Variants in ATP13A5 observed in about 807,000 individuals in gnomAD.
ATP13A5 encodes the protein ATPase 13A5, also known as probable cation-transporting ATPase 13A5.
Under a neutral mutation model 150.2 loss-of-function variants are expected in ATP13A5, and 149 were observed. That is an observed-to-expected ratio of 0.99 (90% CI 0.87 to 1.14). The LOEUF is 1.14. Ranked by LOEUF, ATP13A5 falls within the 50% of genes most tolerant of loss-of-function variation. The pLI is 0.00. For missense variants in ATP13A5, 1,383 were observed against 1,449.3 expected, an observed-to-expected ratio of 0.95 and a Z score of 0.74; for synonymous variants, 497 against 522.2, an observed-to-expected ratio of 0.95 and a Z score of 0.66.
At chr3:193,338,504 T>A (rs1711983454) in intron 9 of ATP13A5, among the ~76,000 whole-genome samples, 1 of 152,236 alleles carries the variant, frequency 6.6e-6, no homozygotes, top group Non-Finnish European at 1.5e-5. Context: ...GTGGGTTTTG[T>A]CTTTGGTTCT....
chr3:193,304,063 C>G (rs1016732184), intron 23 of ATP13A5, among the ~76,000 whole-genome samples: 6 of 152,068 alleles, frequency 3.9e-5, no homozygotes, highest in Non-Finnish European at 8.8e-5. Flanking sequence ...GTACTATCAT[C>G]ATGTAGTCAC....
chr3:193,305,614 C>G lies in ATP13A5; in HGVS notation c.2623G>C (p.Ala875Pro). 6.2e-7 allele frequency: 1 copy of G among 1,613,954 alleles called. No homozygotes were observed. The highest frequency in any genetic ancestry group is 8.5e-7 in the Non-Finnish European group (1 of 1,179,884). ...GTTGTTTTAGAGGTAAAAGGGGATG[C>G]CACAGATGCTTCCTGCTCTGATAAT... ...ISLSEQEASV[A>P]SPFTSKTTNI... is the part of the protein sequence containing the mutation. Residue 875 changes from alanine to proline, a missense_variant, in exon 23 of 30, where the codon GCA (alanine) becomes CCA (proline). Physicochemically the swap from Ala to Pro is conservative, Grantham distance 27. Coordinates refer to ENST00000342358, the MANE Select transcript of ATP13A5 (RefSeq NM_198505.4).
chr3:193,358,539 C>G (rs527239336), intron 5 of ATP13A5, among the ~76,000 whole-genome samples: 1 of 152,178 alleles, frequency 6.6e-6, no homozygotes, highest in Non-Finnish European at 1.5e-5. Context: ...CAGCTTGAAC[C>G]TGCTTGTGTA....
chr3:193,280,361 C>CTGGTAAAAAACTGGTAT (rs1717431915), intron 27 of ATP13A5, among the ~76,000 whole-genome samples: 1 of 152,068 alleles, frequency 6.6e-6, no homozygotes, highest in South Asian at 2.1e-4. Flanking sequence ...TCCAATTTTT[C>CTGGTAAAAAACTGGTAT]TTAAACCAGT....
chr3:193,338,303 C>A (rs1281463296), intron 9 of ATP13A5, among the ~76,000 whole-genome samples: 1 of 152,166 alleles, frequency 6.6e-6, no homozygotes, highest in African/African-American at 2.4e-5. Flanking sequence ...GCATCCCTGT[C>A]TTGTGCCAGT....
chr3:193,277,145 A>G (rs1389329776), intron 28 of ATP13A5, among the ~76,000 whole-genome samples: 2 of 152,320 alleles, frequency 1.3e-5, no homozygotes, highest in Middle Eastern at 3.4e-3. Flanking sequence ...CTCCATTTTT[A>G]TCTTTTCAAA....
At chr3:193,328,938 C>G (rs1051800235) in intron 12 of ATP13A5, among the ~76,000 whole-genome samples, 1 of 152,144 alleles carries the variant, frequency 6.6e-6, no homozygotes, top group Non-Finnish European at 1.5e-5. Context: ...GTTGAATCTG[C>G]TTTTCTTAAA....
At chr3:193,350,040 A>G (rs895311265) in intron 7 of ATP13A5, among the ~76,000 whole-genome samples, 1 of 152,112 alleles carries the variant, frequency 6.6e-6, no homozygotes, top group South Asian at 2.1e-4. Flanking sequence ...AAATTATGAT[A>G]TATCATGGAA....
intron 27 of ATP13A5, 105 bp from the exon 28 acceptor site, chr3:193,279,559 T>A: frequency 1.2e-6 from 1 of 807,026 alleles, no homozygotes; most frequent in Non-Finnish European, 2.1e-6. Context: ...ACCAGATATA[T>A]CTTCAGATGT....
At chr3:193,330,984 G>A (rs1711606212) in intron 12 of ATP13A5, 139 bp downstream of exon 12, 2 of 793,452 alleles carry the variant, frequency 2.5e-6, no homozygotes, top group Non-Finnish European at 4.0e-6. Context: ...TCTTGCACTA[G>A]CTCACTCTGT....
At position 193,275,017 on chromosome 3, in the gene ATP13A5, T is replaced by C. The variant is rs1358445558; in HGVS notation, c.*25A>G. 1 of 1,612,704 alleles carries C rather than the reference T, an allele frequency of 6.2e-7. No individual in the cohort carries two copies. The highest frequency in any genetic ancestry group is 1.1e-5 in the South Asian group (1 of 90,918). On this transcript the variant is annotated 3_prime_UTR_variant, in exon 30 of 30. Transcript: ENST00000342358. ...ATTTTGGGGAAAAAAGCAATGCTGT[T>C]GAGCATGTACGACGACAATTCTGAT...
At chr3:193,339,263 T>G (rs568067312) in intron 9 of ATP13A5, among the ~76,000 whole-genome samples, 2 of 152,304 alleles carry the variant, frequency 1.3e-5, no homozygotes, top group South Asian at 2.1e-4. Context: ...TAGTTATTTC[T>G]TGCCTTCTGC....
intron 28 of ATP13A5, 54 bp from the exon 29 acceptor site, chr3:193,276,884 AAGAC>A (rs112961912): frequency 9.7e-6 from 12 of 1,238,620 alleles, no homozygotes; most frequent in African/African-American, 9.1e-5. Context: ...ACTTTGAAAA[AAGAC>A]CATATTAATT....
chr3:193,288,211 A>G (rs1261534590), intron 26 of ATP13A5, among the ~76,000 whole-genome samples: 1 of 152,178 alleles, frequency 6.6e-6, no homozygotes, highest in East Asian at 1.9e-4. Context: ...AATATTATAT[A>G]AACTTACTTG....
At chr3:193,292,423 G>A (rs988348189) in intron 25 of ATP13A5, among the ~76,000 whole-genome samples, 4 of 152,142 alleles carry the variant, frequency 2.6e-5, no homozygotes, top group Non-Finnish European at 4.4e-5. Flanking sequence ...AACTGTGGTA[G>A]ACTGAATTGC....
At chr3:193,292,633 T>A (rs1718012449) in intron 25 of ATP13A5, among the ~76,000 whole-genome samples, 1 of 152,150 alleles carries the variant, frequency 6.6e-6, no homozygotes, top group Admixed American at 6.5e-5. Context: ...ATGAAAAATG[T>A]GGAGTAGACC....
At chr3:193,352,461 T>C (rs1372552007) in intron 6 of ATP13A5, among the ~76,000 whole-genome samples, 1 of 150,496 alleles carries the variant, frequency 6.6e-6, no homozygotes, top group African/African-American at 2.5e-5. Flanking sequence ...AATATTCTTT[T>C]GAAACCAAAT....
intron 1 of ATP13A5, among the ~76,000 whole-genome samples, chr3:193,366,169 A>G (rs1389610326): frequency 2.0e-5 from 3 of 152,086 alleles, no homozygotes; most frequent in Admixed American, 6.6e-5. Flanking sequence ...ATACTGTGAT[A>G]CAATGTTAAA....
intron 16 of ATP13A5, among the ~76,000 whole-genome samples, chr3:193,320,732 T>A (rs190750368): frequency 1.3e-5 from 2 of 152,058 alleles, no homozygotes. Flanking sequence ...ATAAGGAGAG[T>A]CTACATGAAA....
Sources: gnomAD v4.1 joint callset for allele counts (sites outside exome capture counted in the v4.1 genomes callset) on GRCh38, gnomAD v4.1.1 for gene constraint, MANE v1.5 for transcripts, NCBI Gene and HGNC (gene_info 2026-07-23, HGNC 2026-07-21) for gene names.